The following ITGB2 variants were observed in gnomAD, a reference collection of about 807,000 sequenced individuals.
ITGB2 encodes the protein integrin subunit beta 2, also known as integrin beta-2.
A neutral mutation model predicts 86.8 loss-of-function variants in ITGB2; 56 were observed. The observed-to-expected ratio is 0.65, with a 90% confidence interval of 0.52 to 0.81. The LOEUF (loss-of-function observed/expected upper bound fraction) is 0.81. Ranked by LOEUF, ITGB2 falls within the 30% of genes least tolerant of loss-of-function variation. ITGB2 has a pLI of 0.00. For synonymous variants in ITGB2, 457 were observed against 450.4 expected (o/e 1.01, Z -0.19); for missense variants, 948 against 1,061.2 (o/e 0.89, Z 1.48).
At position 44,892,014 on chromosome 21, in the gene ITGB2, G is replaced by A. The variant is rs763508992; in HGVS notation, c.1225-18C>T. On this transcript the variant is annotated intron_variant, in intron 10 of 15. Coordinates refer to ENST00000652462, the MANE Select transcript of ITGB2 (RefSeq NM_000211.5). ...AAGGTGATCTGCAGGGCAGTGCTGG[G>A]CTCAGGTGGGGACCCTCGGTGGCCA... The A allele has an allele frequency of 2.5e-6, 4 of 1,609,156 alleles. No homozygotes were observed. The South Asian group carries it at 4.4e-5, about 18-fold the overall frequency.
At chr21:44,909,754 T>TGAATC (rs2084100453) in intron 3 of ITGB2, among the ~76,000 whole-genome samples, 1 of 152,132 alleles carries the variant, frequency 6.6e-6, no homozygotes, top group Non-Finnish European at 1.5e-5. Flanking sequence ...TTTCCTGAAT[T>TGAATC]TGATACATGA....
chr21:44,891,467 G>A (rs1355932242), intron 11 of ITGB2, among the ~76,000 whole-genome samples: 2 of 152,236 alleles, frequency 1.3e-5, no homozygotes, highest in African/African-American at 2.4e-5. Flanking sequence ...CCATGGGCAC[G>A]CCCAGCGGGG....
rs201512257 is a variant in ITGB2, at chr21:44,907,113, G to A, written c.148-18C>T. 9.2e-4 allele frequency: 1,450 copies of A among 1,568,922 alleles called. 8 individuals are homozygous for A. The African/African-American group carries it at 0.017, about 18-fold the overall frequency. On this transcript the variant is annotated intron_variant, in intron 3 of 15. Coordinates refer to ENST00000652462, the MANE Select transcript of ITGB2 (RefSeq NM_000211.5). ...GTGAAGTTCTGGGGAGGGGGAGTCA[G>A]GGGTCAGGAGGGGGCCACACTGCGG...
intron 12 of ITGB2, 98 bp downstream of exon 12, chr21:44,889,880 C>G (rs1182589363): frequency 1.3e-6 from 2 of 1,528,642 alleles, no homozygotes; most frequent in African/African-American, 2.7e-5. Flanking sequence ...CAGGATCCCC[C>G]CTTTCTGTTC....
At chr21:44,900,232 G>C in intron 7 of ITGB2, 88 bp downstream of exon 7, 2 of 1,532,604 alleles carry the variant, frequency 1.3e-6, no homozygotes, top group Non-Finnish European at 1.8e-6. Flanking sequence ...GTCAGAAGGA[G>C]GCTCTGTCAG....
rs1292020762 is a variant in ITGB2 at position 44,890,298 on chromosome 21, G to A, written c.1413-76C>T. The A allele has an allele frequency of 5.7e-6, 9 of 1,585,066 alleles. No homozygotes were observed. The Admixed American group carries it at 1.0e-4, about 18-fold the overall frequency. ...AAGGGACAGCCGCCCTGTCCTCCAG[G>A]CCCCTTGCCCTTGGTGGAGAACACC... On this transcript the variant is annotated intron_variant, in intron 11 of 15. Transcript: ENST00000652462.
chr21:44,894,608 A>G (rs2083837300), intron 9 of ITGB2: 1 of 355,710 alleles, frequency 2.8e-6, no homozygotes, highest in Non-Finnish European at 5.5e-6. Context: ...CCAGGGCCCA[A>G]GTCCACTGTG....
At chr21:44,887,421 T>TGTGGGACATA (rs2083714848) in intron 14 of ITGB2, among the ~76,000 whole-genome samples, 1 of 152,132 alleles carries the variant, frequency 6.6e-6, no homozygotes, top group Admixed American at 6.5e-5. Flanking sequence ...GCATGGGGAC[T>TGTGGGACATA]GTGGGCCATA....
intron 1 of ITGB2, chr21:44,927,997 C>A (rs932391017): frequency 1.3e-5 from 2 of 152,290 alleles, no homozygotes; most frequent in Non-Finnish European, 2.9e-5. Context: ...CCTCCATCCC[C>A]CTGTGGCCTG....
In ITGB2 at chr21:44,891,802, G is replaced by C. The variant is rs368194398; in HGVS notation, c.1412+7C>G. The stretch of plus-strand genomic sequence containing the variant: ...GATGGTTCAACAGGGACCTGCGCCC[G>C]CCTCACCTGCAGATGCCGCACTCCA... On this transcript the variant is annotated splice_region_variant and intron_variant, in intron 11 of 15. Coordinates refer to ENST00000652462, the MANE Select transcript of ITGB2 (RefSeq NM_000211.5). 4.4e-6 allele frequency: 7 copies of C among 1,602,646 alleles called. No individual in the cohort carries two copies. Among genetic ancestry groups the C allele is most frequent in the Non-Finnish European group, 5.9e-6 (7 of 1,179,870 alleles).
At chr21:44,901,942 T>A (rs2083966166) in intron 5 of ITGB2, 2 of 601,944 alleles carry the variant, frequency 3.3e-6, no homozygotes, top group Non-Finnish European at 5.8e-6. Flanking sequence ...AACCTGGGAG[T>A]GTGCAATGTA....
At chr21:44,918,987 G>GGAGCTGAGCGTCCCCTCTCCCAGCACTCA (rs2084252914) in intron 1 of ITGB2, among the ~76,000 whole-genome samples, 1 of 152,092 alleles carries the variant, frequency 6.6e-6, no homozygotes, top group African/African-American at 2.4e-5. Context: ...CCCAGCACTC[G>GGAGCTGAGCGTCCCCTCTCCCAGCACTCA]GAGCTGAGCA....
In ITGB2 at chr21:44,886,268, T is replaced by C; in HGVS notation, c.*100A>G. 1 of 1,129,186 alleles carries C rather than the reference T, an allele frequency of 8.9e-7. No individual in the cohort carries two copies. The highest frequency in any genetic ancestry group is 1.2e-5 in the South Asian group (1 of 81,248). The allele number at this position is 1,129,186 out of a possible 1,614,324, so 69.9% of individuals were successfully genotyped here. ...GGGCGGAAAATAACTGGATTTCTGG[T>C]TAATTGGTGACATCCTCAAGAGCTG... On this transcript the variant is annotated 3_prime_UTR_variant, in exon 16 of 16. Transcript: ENST00000652462.
intron 4 of ITGB2, among the ~76,000 whole-genome samples, chr21:44,904,471 C>A (rs1215367945): frequency 6.6e-6 from 1 of 151,894 alleles, no homozygotes; most frequent in African/African-American, 2.4e-5. Flanking sequence ...ATGGCACCCA[C>A]ACACAGCAAA....
rs1434514424 is a variant in ITGB2, at chr21:44,901,673, A to C, written c.560T>G (p.Leu187Arg). Reference sequence around the variant, plus strand: ...CTCCTTGTTGGGGCATGGGTTTCGCAGCTTATCAGGGTGCGTGTTCACGAA... The same window carrying C: ...CTCCTTGTTGGGGCATGGGTTTCGCCGCTTATCAGGGTGCGTGTTCACGAA... ...LPFVNTHPDK[L>R]RNPCPNKEKE... is the part of the protein sequence containing the mutation. Residue 187 changes from leucine to arginine, a missense_variant, in exon 6 of 16, where the codon CTG becomes CGG. By Grantham distance (102) the Leu-to-Arg change is moderately radical. Coordinates refer to ENST00000652462, the MANE Select transcript of ITGB2 (RefSeq NM_000211.5). 2.5e-6 allele frequency: 4 copies of C among 1,614,210 alleles called. No homozygotes were observed. The East Asian group carries it at 6.7e-5, about 27-fold the overall frequency.
chr21:44,918,114 C>T (rs182897785), intron 1 of ITGB2, among the ~76,000 whole-genome samples: 2 of 152,380 alleles, frequency 1.3e-5, no homozygotes, highest in Admixed American at 1.3e-4. Context: ...TGCTAGGCGC[C>T]CACTGCAGAG....
At chr21:44,901,427 C>T in intron 6 of ITGB2, 65 bp downstream of exon 6, 1 of 1,579,282 alleles carries the variant, frequency 6.3e-7, no homozygotes, top group Non-Finnish European at 8.6e-7. Flanking sequence ...TGCCCCCACA[C>T]AGCGCCTGAC....
chr21:44,912,725 G>C (rs2084152021), intron 1 of ITGB2, among the ~76,000 whole-genome samples: 1 of 152,084 alleles, frequency 6.6e-6, no homozygotes, highest in African/African-American at 2.4e-5. Flanking sequence ...TGACCTCGGT[G>C]CCACGAGTGC....
chr21:44,894,152 C>T lies in ITGB2; in HGVS notation c.1084-608G>A, dbSNP rs147611165. 1.5e-3 allele frequency: 269 copies of T among 173,782 alleles called. 1 individual carries two copies. The highest frequency in any genetic ancestry group is 6.0e-3 in the African/African-American group (254 of 42,114). The allele number at this position is 173,782 out of a possible 1,614,324, so 10.8% of individuals were successfully genotyped here. On this transcript the variant is annotated intron_variant, in intron 9 of 15. Transcript: ENST00000652462. ...CCTCTGTGTAAGGACAGAAACACCTCGGGCAGTGGCTGGCACCCAGGAGGG... is the reference window on the plus strand; with the variant it reads ...CCTCTGTGTAAGGACAGAAACACCTTGGGCAGTGGCTGGCACCCAGGAGGG...
Sources: allele counts gnomAD v4.1 joint callset (sites outside exome capture counted in the v4.1 genomes callset), GRCh38; gene constraint gnomAD v4.1.1; transcripts MANE v1.5; gene names NCBI Gene and HGNC (gene_info 2026-07-23, HGNC 2026-07-21).